Variants in DNM3 observed in about 807,000 individuals in gnomAD.
DNM3 encodes the protein dynamin-3.
Under a neutral mutation model 101.6 loss-of-function variants are expected in DNM3, and 47 were observed. That is an observed-to-expected ratio of 0.46 (90% CI 0.37 to 0.59). The LOEUF is 0.59. Among genes scored for constraint, DNM3 ranks in the 20% least tolerant of loss-of-function variants. The probability of loss-of-function intolerance (pLI) is 0.00; values close to 1 mark genes in which losing one functional copy is unlikely to be tolerated. For synonymous variants in DNM3, 385 were observed against 387.9 expected, an observed-to-expected ratio of 0.99 and a Z score of 0.09; for missense variants, 849 against 1,085.7, an observed-to-expected ratio of 0.78 and a Z score of 3.06.
chr1:171,996,408 T>TG (rs2045998534), intron 4 of DNM3, among the ~76,000 whole-genome samples: 1 of 152,132 alleles, frequency 6.6e-6, no homozygotes, highest in Non-Finnish European at 1.5e-5. Context: ...GATCCTATTT[T>TG]GGGGTAAGGA....
intron 14 of DNM3, 32 bp from the exon 15 acceptor site, chr1:172,253,540 CT>C: frequency 3.8e-6 from 4 of 1,050,616 alleles, no homozygotes; most frequent in Non-Finnish European, 5.5e-6. Flanking sequence ...CTCTCCTCTC[CT>C]CTCCCTCTTT....
At chr1:172,235,911 G>A (rs2061524899) in intron 14 of DNM3, among the ~76,000 whole-genome samples, 1 of 151,938 alleles carries the variant, frequency 6.6e-6, no homozygotes, top group Admixed American at 6.6e-5. Flanking sequence ...CGAGTTAATG[G>A]GTGCAGCACA....
chr1:172,358,592 A>G (rs944265667), intron 17 of DNM3, among the ~76,000 whole-genome samples: 2 of 152,052 alleles, frequency 1.3e-5, no homozygotes, highest in Non-Finnish European at 2.9e-5. Context: ...CTCCCCCACC[A>G]GAATGAAACA....
chr1:172,166,891 C>T (rs560631574), intron 14 of DNM3, among the ~76,000 whole-genome samples: 1 of 151,604 alleles, frequency 6.6e-6, no homozygotes, highest in Admixed American at 6.6e-5. Flanking sequence ...AGTTCATTCT[C>T]AGATCTATAT....
intron 2 of DNM3, among the ~76,000 whole-genome samples, chr1:171,928,114 T>C (rs534132872): frequency 6.6e-6 from 1 of 152,274 alleles, no homozygotes; most frequent in African/African-American, 2.4e-5. Flanking sequence ...GTTAGTGAGG[T>C]ATTTTTGGTG....
At chr1:172,069,641 A>G (rs1026967701) in intron 11 of DNM3, among the ~76,000 whole-genome samples, 10 of 152,220 alleles carry the variant, frequency 6.6e-5, no homozygotes, top group African/African-American at 1.9e-4. Context: ...GGAAATACAA[A>G]TGGTTTTACA....
chr1:172,314,189 A>G (rs1021421976), intron 16 of DNM3, among the ~76,000 whole-genome samples: 8 of 152,242 alleles, frequency 5.3e-5, no homozygotes, highest in Admixed American at 4.6e-4. Flanking sequence ...TCACAATAGC[A>G]AAGACTTAGG....
At chr1:172,075,726 A>G (rs1376764732) in intron 11 of DNM3, among the ~76,000 whole-genome samples, 1 of 152,144 alleles carries the variant, frequency 6.6e-6, no homozygotes, top group African/African-American at 2.4e-5. Context: ...GCTTTGTAGT[A>G]TAGTTTGAAG....
intron 17 of DNM3, among the ~76,000 whole-genome samples, chr1:172,354,846 G>A (rs991233766): frequency 1.8e-4 from 27 of 152,002 alleles, no homozygotes; most frequent in Admixed American, 4.6e-4. Context: ...ACTTCAGCCC[G>A]AAAAAATTGG....
At chr1:172,271,373 C>T (rs2063078758) in intron 15 of DNM3, among the ~76,000 whole-genome samples, 1 of 151,914 alleles carries the variant, frequency 6.6e-6, no homozygotes, top group Non-Finnish European at 1.5e-5. Flanking sequence ...CCTAATAAAC[C>T]CATTTTATGT....
intron 2 of DNM3, among the ~76,000 whole-genome samples, chr1:171,972,357 T>C (rs1304012837): frequency 6.6e-6 from 1 of 152,192 alleles, no homozygotes. Flanking sequence ...ATCACGTAAG[T>C]AGTACATTCA....
intron 4 of DNM3, among the ~76,000 whole-genome samples, chr1:172,025,779 C>T (rs955325606): frequency 6.6e-6 from 1 of 152,110 alleles, no homozygotes; most frequent in Non-Finnish European, 1.5e-5. Flanking sequence ...AAAGGACATC[C>T]ACACAGAAAC....
chr1:172,345,964 C>CA (rs1342944822), intron 17 of DNM3, among the ~76,000 whole-genome samples: 4 of 151,530 alleles, frequency 2.6e-5, no homozygotes, highest in African/African-American at 4.8e-5. Flanking sequence ...ACTAAAAATA[C>CA]AAAAAAATTA....
chr1:172,359,856 T>C (rs2067653025), intron 17 of DNM3, among the ~76,000 whole-genome samples: 1 of 152,012 alleles, frequency 6.6e-6, no homozygotes, highest in South Asian at 2.1e-4. Flanking sequence ...AACACAGCAT[T>C]TTAATGAGCA....
At chr1:172,229,765 C>T (rs1364917428) in intron 14 of DNM3, among the ~76,000 whole-genome samples, 1 of 151,932 alleles carries the variant, frequency 6.6e-6, no homozygotes, top group African/African-American at 2.4e-5. Context: ...CACACACACA[C>T]ATACATACAT....
intron 15 of DNM3, among the ~76,000 whole-genome samples, chr1:172,259,867 T>G (rs763684378): frequency 3.9e-5 from 6 of 152,098 alleles, no homozygotes; most frequent in Non-Finnish European, 8.8e-5. Context: ...CATTCTGTAG[T>G]GGTTACATTT....
chr1:172,007,074 AG>A (rs1482998005), intron 4 of DNM3, among the ~76,000 whole-genome samples: 1 of 152,048 alleles, frequency 6.6e-6, no homozygotes, highest in Admixed American at 6.6e-5. Flanking sequence ...GTGGATCTTT[AG>A]GTCGTTTCTA....
chr1:172,232,317 C>A (rs1197658659), intron 14 of DNM3, among the ~76,000 whole-genome samples: 1 of 152,154 alleles, frequency 6.6e-6, no homozygotes, highest in African/African-American at 2.4e-5. Context: ...GTAAAGGGAT[C>A]AATTCAACAA....
At chr1:172,114,209 G>T (rs1452411506) in intron 13 of DNM3, among the ~76,000 whole-genome samples, 2 of 152,174 alleles carry the variant, frequency 1.3e-5, no homozygotes, top group Non-Finnish European at 2.9e-5. Context: ...ATGGTATAAG[G>T]TGAGTTCTGC....
Sources: allele counts gnomAD v4.1 joint callset (sites outside exome capture counted in the v4.1 genomes callset), GRCh38; gene constraint gnomAD v4.1.1; transcripts MANE v1.5; gene names NCBI Gene and HGNC (gene_info 2026-07-23, HGNC 2026-07-21).